IL1RAPL1: variants seen among roughly 807,000 people sequenced by gnomAD.
IL1RAPL1 encodes the protein interleukin 1 receptor accessory protein like 1.
A neutral mutation model predicts 48.4 loss-of-function variants in IL1RAPL1; 3 were observed. The observed-to-expected ratio is 0.06, with a 90% CI of 0.03 to 0.16. The LOEUF is 0.16. IL1RAPL1 is among the 10% of genes least tolerant of loss of function. The probability of loss-of-function intolerance (pLI) is 1.00; values close to 1 mark genes in which losing one functional copy is unlikely to be tolerated. For missense variants in IL1RAPL1, 349 were observed against 530.6 expected (o/e 0.66, Z 3.36); for synonymous variants, 185 against 187.7 (o/e 0.99, Z 0.12).
chrX:29,588,081 A>C (rs1923242576), intron 5 of IL1RAPL1, among the ~76,000 whole-genome samples: 1 of 112,872 alleles, frequency 8.9e-6, no homozygotes. Context: ...AAATGAAAGC[A>C]GCACACTATT....
intron 2 of IL1RAPL1, among the ~76,000 whole-genome samples, chrX:28,934,784 A>C (rs112302036): frequency 0.014 from 1,601 of 111,931 alleles, 27 homozygotes; most frequent in African/African-American, 0.049. Context: ...ATCTGTTCAT[A>C]ATTTAATTGT....
chrX:29,265,151 G>T (rs910266972), intron 2 of IL1RAPL1, among the ~76,000 whole-genome samples: 1 of 110,996 alleles, frequency 9.0e-6, no homozygotes, highest in Non-Finnish European at 1.9e-5. Flanking sequence ...GGCCTCAGGT[G>T]ATCCGCCCAC....
At chrX:29,611,261 C>T (rs1261385370) in intron 5 of IL1RAPL1, among the ~76,000 whole-genome samples, 1 of 111,748 alleles carries the variant, frequency 8.9e-6, no homozygotes, top group African/African-American at 3.3e-5. Context: ...CTGAAGTCTT[C>T]TGTCTGAGAG....
chrX:28,853,317 C>T (rs1289065392), intron 2 of IL1RAPL1, among the ~76,000 whole-genome samples: 1 of 111,489 alleles, frequency 9.0e-6, no homozygotes, highest in Non-Finnish European at 1.9e-5. Flanking sequence ...ATAAATATAC[C>T]TTTGAAAACG....
intron 5 of IL1RAPL1, among the ~76,000 whole-genome samples, chrX:29,536,354 G>A (rs2143145): frequency 0.093 from 10,317 of 111,270 alleles, 405 homozygotes; most frequent in South Asian, 0.3. Flanking sequence ...AGCTTCATTA[G>A]TATTTTTCAG....
chrX:29,115,113 A>G (rs1277096387), intron 2 of IL1RAPL1, among the ~76,000 whole-genome samples: 1 of 111,587 alleles, frequency 9.0e-6, no homozygotes, highest in Non-Finnish European at 1.9e-5. Flanking sequence ...GTATTTTTAA[A>G]TTTTCAAATG....
intron 1 of IL1RAPL1, among the ~76,000 whole-genome samples, chrX:28,676,022 A>G (rs1934992999): frequency 2.7e-5 from 3 of 111,748 alleles, no homozygotes. Flanking sequence ...ATTGGTAATC[A>G]TTGTTAAACA....
At chrX:28,760,830 GTA>G (rs1936162337) in intron 1 of IL1RAPL1, among the ~76,000 whole-genome samples, 1 of 111,025 alleles carries the variant, frequency 9.0e-6, no homozygotes, top group Non-Finnish European at 1.9e-5. Flanking sequence ...GCTCATGCCT[GTA>G]ATCCCAGCAC....
At chrX:29,827,008 C>T (rs1167589095) in intron 6 of IL1RAPL1, among the ~76,000 whole-genome samples, 2 of 112,193 alleles carry the variant, frequency 1.8e-5, no homozygotes, top group Admixed American at 9.5e-5. Context: ...TCCACATTCT[C>T]GTCAACACTT....
intron 6 of IL1RAPL1, among the ~76,000 whole-genome samples, chrX:29,727,770 G>A (rs780321372): frequency 4.5e-5 from 5 of 111,383 alleles, no homozygotes; most frequent in Non-Finnish European, 7.5e-5. Flanking sequence ...ATTGGCAAGT[G>A]TGCTCTCAAA....
rs1437078176 is a variant in IL1RAPL1, at chrX:28,925,132, A to C, written c.82+135707A>C. On this transcript the variant is annotated intron_variant, in intron 2 of 10. Transcript: ENST00000378993. ...GAAATATAACTTAGGAGTCCACCTA[A>C]TGCTAGAATTTTTATCGCATTTTAA... Among the ~76,000 whole-genome samples, 4 of 112,015 alleles carry C rather than the reference A, an allele frequency of 3.6e-5. No individual in the cohort carries two copies. The Admixed American group carries it at 3.8e-4, about 11-fold the overall frequency.
chrX:29,469,650 C>T lies in IL1RAPL1; in HGVS notation c.703+70342C>T, dbSNP rs908187917. Among the ~76,000 whole-genome samples the T allele has an allele frequency of 1.8e-4, 20 of 111,454 alleles. No homozygotes were observed. In the Admixed American group the frequency reaches 1.9e-3, roughly 11 times the overall value. Reference sequence around the variant, plus strand: ...ATTTCCAAACTCTACTCAGAAAATACAGTGCAAATCCTGGTATAATATAAT... The same window carrying T: ...ATTTCCAAACTCTACTCAGAAAATATAGTGCAAATCCTGGTATAATATAAT... On this transcript the variant is annotated intron_variant, in intron 5 of 10. Transcript: ENST00000378993.
intron 2 of IL1RAPL1, among the ~76,000 whole-genome samples, chrX:29,185,209 A>G (rs1930227576): frequency 8.9e-6 from 1 of 112,830 alleles, no homozygotes; most frequent in African/African-American, 3.2e-5. Context: ...GTTTGCATTT[A>G]TCATTCATGT....
At chrX:29,183,265 C>T in intron 2 of IL1RAPL1, among the ~76,000 whole-genome samples, 1 of 111,521 alleles carries the variant, frequency 9.0e-6, no homozygotes. Context: ...TCTTCTCCAT[C>T]CCTGCAGATG....
At chrX:29,528,054 G>T (rs1935573151) in intron 5 of IL1RAPL1, among the ~76,000 whole-genome samples, 1 of 111,995 alleles carries the variant, frequency 8.9e-6, no homozygotes, top group Non-Finnish European at 1.9e-5. Context: ...TACAGTGTTG[G>T]AATTTCGAAA....
intron 5 of IL1RAPL1, among the ~76,000 whole-genome samples, chrX:29,557,570 A>G (rs1922045178): frequency 9.0e-6 from 1 of 111,537 alleles, no homozygotes. Flanking sequence ...TCAGGTGCAC[A>G]ATACAGTATT....
chrX:28,638,519 A>G (rs769034579), intron 1 of IL1RAPL1, among the ~76,000 whole-genome samples: 1 of 110,035 alleles, frequency 9.1e-6, no homozygotes, highest in Non-Finnish European at 1.9e-5. Flanking sequence ...ACTGCTGTGG[A>G]AATATATCTA....
intron 3 of IL1RAPL1, among the ~76,000 whole-genome samples, chrX:29,347,952 AC>A (rs1933173456): frequency 9.1e-6 from 1 of 110,162 alleles, no homozygotes; most frequent in South Asian, 3.9e-4. Flanking sequence ...TTTTGGGCAG[AC>A]CAGAGCTGGA....
chrX:29,859,067 A>T (rs1931528703), intron 6 of IL1RAPL1, among the ~76,000 whole-genome samples: 1 of 111,089 alleles, frequency 9.0e-6, no homozygotes, highest in East Asian at 2.9e-4. Flanking sequence ...CACAATTACC[A>T]CTTACCTTTT....
Sources: allele counts gnomAD v4.1 joint callset (sites outside exome capture counted in the v4.1 genomes callset), GRCh38; gene constraint gnomAD v4.1.1; transcripts MANE v1.5; gene names NCBI Gene and HGNC (gene_info 2026-07-23, HGNC 2026-07-21).